ANKRD27: variants seen among roughly 807,000 people sequenced by gnomAD.
ANKRD27 encodes the protein ankyrin repeat domain 27, also known as ankyrin repeat domain-containing protein 27.
A neutral mutation model predicts 129.7 loss-of-function variants in ANKRD27; 112 were observed. The ratio of observed to expected loss-of-function variants is 0.86; its 90% confidence interval spans 0.74 to 1.01. ANKRD27 has a LOEUF of 1.01. Ranked by LOEUF, ANKRD27 falls within the 50% of genes least tolerant of loss-of-function variation. The pLI, the probability that ANKRD27 is intolerant of heterozygous loss-of-function variation, is 0.00. For synonymous variants in ANKRD27, 516 were observed against 511.2 expected, an observed-to-expected ratio of 1.01 and a Z score of -0.13; for missense variants, 1,258 against 1,300.5, an observed-to-expected ratio of 0.97 and a Z score of 0.50.
At chr19:32,617,324 G>A (rs1488484726) in intron 21 of ANKRD27, among the ~76,000 whole-genome samples, 1 of 152,094 alleles carries the variant, frequency 6.6e-6, no homozygotes, top group Non-Finnish European at 1.5e-5. Flanking sequence ...CAGGAGAATC[G>A]CTTGAGGCCA....
chr19:32,674,652 C>G (rs1967945914), intron 1 of ANKRD27, among the ~76,000 whole-genome samples: 1 of 152,042 alleles, frequency 6.6e-6, no homozygotes, highest in Non-Finnish European at 1.5e-5. Flanking sequence ...ACAACCGCTG[C>G]GCGCGCGGCT....
At chr19:32,603,581 CA>C (rs1445249691) in intron 25 of ANKRD27, among the ~76,000 whole-genome samples, 2 of 152,194 alleles carry the variant, frequency 1.3e-5, no homozygotes, top group Admixed American at 1.3e-4. Context: ...CTCTGTCACC[CA>C]GGCTGGAGTG....
At chr19:32,665,694 C>T (rs259267) in intron 1 of ANKRD27, among the ~76,000 whole-genome samples, 74,102 of 151,708 alleles carry the variant, frequency 0.49, 20,965 homozygotes, top group Non-Finnish European at 0.65. Context: ...CTCCTGACCT[C>T]GTGATCCGCC....
At chr19:32,657,972 CT>C (rs377564321) in intron 2 of ANKRD27, among the ~76,000 whole-genome samples, 306 of 152,170 alleles carry the variant, frequency 2.0e-3, no homozygotes, top group African/African-American at 7.1e-3. Context: ...AAGACTCTGT[CT>C]CAAAAAAATT....
chr19:32,658,185 C>G (rs867978274), intron 2 of ANKRD27, among the ~76,000 whole-genome samples: 1 of 152,020 alleles, frequency 6.6e-6, no homozygotes, highest in African/African-American at 2.4e-5. Context: ...AAAAAGAAGA[C>G]GGAAGACTCC....
intron 9 of ANKRD27, among the ~76,000 whole-genome samples, chr19:32,642,664 G>C (rs550785187): frequency 1.3e-5 from 2 of 151,654 alleles, no homozygotes; most frequent in South Asian, 4.2e-4. Context: ...TTGAACTCAG[G>C]AGGCAGAGGT....
At chr19:32,642,419 T>G (rs573605216) in intron 9 of ANKRD27, among the ~76,000 whole-genome samples, 1 of 151,588 alleles carries the variant, frequency 6.6e-6, no homozygotes, top group South Asian at 2.1e-4. Flanking sequence ...AGGGTTGTGG[T>G]AGGTGAAACA....
Position 32,628,182 on chromosome 19 carries a change from G to C in ANKRD27, c.1338-17C>G. 1 of 1,607,384 alleles carries C rather than the reference G, an allele frequency of 6.2e-7. No individual in the cohort carries two copies. The highest frequency in any genetic ancestry group is 2.2e-5 in the East Asian group (1 of 44,846). On this transcript the variant is annotated splice_polypyrimidine_tract_variant and intron_variant, in intron 14 of 28. Coordinates refer to ENST00000306065, the MANE Select transcript of ANKRD27 (RefSeq NM_032139.3). ...TTCAACCTCCTAAAATACAGAAAGA[G>C]ATAGAAAACTACACAGGGGAATGGC...
At chr19:32,674,933 C>G (rs1219961964) in intron 1 of ANKRD27, 138 bp downstream of exon 1, 1 of 151,932 alleles carries the variant, frequency 6.6e-6, no homozygotes, top group African/African-American at 2.4e-5. Context: ...GGCCACCTGG[C>G]GGACCCGGGA....
intron 2 of ANKRD27, among the ~76,000 whole-genome samples, chr19:32,651,895 A>G (rs572652240): frequency 6.6e-6 from 1 of 152,222 alleles, no homozygotes; most frequent in South Asian, 2.1e-4. Context: ...TCCCCCAACT[A>G]GTTTTCTGGC....
At chr19:32,648,049 T>C (rs1427284470) in intron 3 of ANKRD27, among the ~76,000 whole-genome samples, 2 of 152,194 alleles carry the variant, frequency 1.3e-5, no homozygotes, top group Non-Finnish European at 2.9e-5. Context: ...GTGGATCATT[T>C]GAGGTCAGGA....
intron 1 of ANKRD27, chr19:32,673,380 A>G: frequency 4.1e-6 from 4 of 984,938 alleles, no homozygotes; most frequent in Non-Finnish European, 4.8e-6. Context: ...CCTGGATTTC[A>G]CTCACGCCTG....
intron 1 of ANKRD27, chr19:32,673,453 T>C (rs1431994677): frequency 2.0e-6 from 2 of 985,256 alleles, no homozygotes; most frequent in Non-Finnish European, 2.4e-6. Flanking sequence ...CCTCAAAGGA[T>C]TCCCCTGCAC....
intron 24 of ANKRD27, 48 bp downstream of exon 24, chr19:32,605,787 T>TG (rs1971723906): frequency 6.2e-7 from 1 of 1,603,394 alleles, no homozygotes; most frequent in African/African-American, 1.3e-5. Flanking sequence ...GGAGGCGCCC[T>TG]GTTAACTGGC....
At chr19:32,647,045 T>C (rs1967316880) in intron 3 of ANKRD27, among the ~76,000 whole-genome samples, 1 of 152,172 alleles carries the variant, frequency 6.6e-6, no homozygotes, top group Admixed American at 6.5e-5. Context: ...AGGCTGCTCT[T>C]GAACTCCCAG....
intron 1 of ANKRD27, among the ~76,000 whole-genome samples, chr19:32,667,593 C>T (rs1967783986): frequency 6.6e-6 from 1 of 152,088 alleles, no homozygotes; most frequent in African/African-American, 2.4e-5. Context: ...TTATTTAAAA[C>T]CTCATAATCC....
At chr19:32,605,625 C>T (rs1971720402) in intron 24 of ANKRD27, among the ~76,000 whole-genome samples, 2 of 152,202 alleles carry the variant, frequency 1.3e-5, no homozygotes, top group Admixed American at 6.5e-5. Context: ...CGTCGGAGCC[C>T]TTGAGACCGC....
intron 10 of ANKRD27, among the ~76,000 whole-genome samples, 165 bp from the exon 11 acceptor site, chr19:32,640,550 T>C (rs973345340): frequency 1.3e-5 from 2 of 152,180 alleles, no homozygotes; most frequent in Admixed American, 6.5e-5. Context: ...CCTGATCAGA[T>C]GTCAGGTCCA....
At chr19:32,658,194 C>T (rs912794707) in intron 2 of ANKRD27, among the ~76,000 whole-genome samples, 1 of 152,086 alleles carries the variant, frequency 6.6e-6, no homozygotes, top group African/African-American at 2.4e-5. Flanking sequence ...ACGGAAGACT[C>T]CTGAAGCAGA....
Sources: allele counts gnomAD v4.1 joint callset (sites outside exome capture counted in the v4.1 genomes callset), GRCh38; gene constraint gnomAD v4.1.1; transcripts MANE v1.5; gene names NCBI Gene and HGNC (gene_info 2026-07-23, HGNC 2026-07-21).